The following OLFM3 variants were observed in gnomAD, a reference collection of about 807,000 sequenced individuals.
OLFM3 encodes olfactomedin 3, also known as noelin-3.
OLFM3 carries 20 observed loss-of-function variants against 48.6 expected under a neutral mutation model. That is an observed-to-expected ratio of 0.41 (90% CI 0.29 to 0.60). The LOEUF is 0.60. Ranked by LOEUF, OLFM3 falls within the 20% of genes least tolerant of loss-of-function variation. OLFM3 has a pLI of 0.28. For missense variants in OLFM3, 437 were observed against 544.3 expected (o/e 0.80, Z 1.96); for synonymous variants, 222 against 198.1 (o/e 1.12, Z -1.01).
intron 1 of OLFM3, among the ~76,000 whole-genome samples, chr1:101,989,776 T>C (rs1014489430): frequency 6.6e-6 from 1 of 152,164 alleles, no homozygotes; most frequent in African/African-American, 2.4e-5. Flanking sequence ...AGAAGATCAA[T>C]ATAAGCAGAG....
At chr1:101,955,614 G>A (rs1660265519) in intron 1 of OLFM3, among the ~76,000 whole-genome samples, 1 of 151,622 alleles carries the variant, frequency 6.6e-6, no homozygotes, top group African/African-American at 2.4e-5. Context: ...TCATCTCTCT[G>A]GCATTAGTGT....
rs74107980 is a variant in OLFM3 at position 101,881,778 on chromosome 1, A to G, written c.70-44753T>C. 2.5e-3 allele frequency among the ~76,000 whole-genome samples: 378 copies of G among 151,010 alleles called. 2 individuals carry two copies. The highest frequency in any genetic ancestry group is 8.7e-3 in the African/African-American group (357 of 41,052). ...ACTGTCATCCTCCTGAGTTATTTTG[A>G]AGTGATTTTTTTTTTTTACATTTTG... On this transcript the variant is annotated intron_variant, in intron 1 of 5. Coordinates refer to ENST00000370103, the MANE Select transcript of OLFM3 (RefSeq NM_058170.4).
chr1:101,970,508 T>C (rs1660751904), intron 1 of OLFM3, among the ~76,000 whole-genome samples: 1 of 152,218 alleles, frequency 6.6e-6, no homozygotes, highest in Non-Finnish European at 1.5e-5. Context: ...TCTAATCTTT[T>C]CCCCCTTCTT....
chr1:101,882,062 AG>A (rs967473588), intron 1 of OLFM3, among the ~76,000 whole-genome samples: 1 of 151,052 alleles, frequency 6.6e-6, no homozygotes. Context: ...TTATTAGAAA[AG>A]AAAAAAAAGA....
At chr1:101,822,046 G>T (rs72646202) in intron 4 of OLFM3, among the ~76,000 whole-genome samples, 20,052 of 152,072 alleles carry the variant, frequency 0.13, 1,743 homozygotes, top group East Asian at 0.34. Context: ...ATTATGCAAA[G>T]TTCAATAGGA....
At chr1:101,956,589 T>TCAACATTAACATTAAATATAA (rs1402255138) in intron 1 of OLFM3, among the ~76,000 whole-genome samples, 1 of 151,964 alleles carries the variant, frequency 6.6e-6, no homozygotes, top group East Asian at 1.9e-4. Context: ...GTGAATACCT[T>TCAACATTAACATTAAATATAA]CAACATTAAA....
chr1:101,806,468 A>G (rs1261856618), intron 4 of OLFM3, among the ~76,000 whole-genome samples: 1 of 151,876 alleles, frequency 6.6e-6, no homozygotes, highest in Admixed American at 6.6e-5. Flanking sequence ...CATTATCATT[A>G]TACCAGTTCA....
chr1:101,893,535 C>T, intron 1 of OLFM3: 1 of 282,030 alleles, frequency 3.5e-6, no homozygotes, highest in South Asian at 4.9e-5. Context: ...AGGACTGGAG[C>T]CAGGAGATAT....
At chr1:101,953,782 G>C (rs985424993) in intron 1 of OLFM3, among the ~76,000 whole-genome samples, 2 of 152,086 alleles carry the variant, frequency 1.3e-5, no homozygotes, top group African/African-American at 4.8e-5. Flanking sequence ...AGGATGCTGG[G>C]CCCAGCAGGT....
intron 1 of OLFM3, among the ~76,000 whole-genome samples, chr1:101,932,252 T>G (rs888453291): frequency 2.0e-5 from 3 of 152,236 alleles, no homozygotes; most frequent in Non-Finnish European, 4.4e-5. Context: ...CTTCAGATAT[T>G]CTAATTCAGT....
At chr1:101,848,170 A>G (rs1328540460) in intron 1 of OLFM3, among the ~76,000 whole-genome samples, 1 of 152,172 alleles carries the variant, frequency 6.6e-6, no homozygotes, top group Non-Finnish European at 1.5e-5. Flanking sequence ...CTTATCCAAT[A>G]TATGTGTTTT....
At chr1:101,858,930 G>T (rs1656537259) in intron 1 of OLFM3, among the ~76,000 whole-genome samples, 3 of 151,954 alleles carry the variant, frequency 2.0e-5, no homozygotes. Context: ...ATTCCATTTG[G>T]GTGGGATAGA....
rs150389169 is a variant in OLFM3, at chr1:101,969,548, A to C, written c.69+27200T>G. On this transcript the variant is annotated intron_variant, in intron 1 of 5. Transcript: ENST00000370103. ...AAAGAATGATGGTGTCAAAGTACAT[A>C]GACTTTTTCCTCTATTTAAATAATC... Among the ~76,000 whole-genome samples, 425 of 152,280 alleles carry C rather than the reference A, an allele frequency of 2.8e-3. 4 individuals carry two copies. The highest frequency in any genetic ancestry group is 0.014 in the East Asian group (71 of 5,172).
chr1:101,966,317 T>TTTTTTGTGTGTGTG (rs371512942), intron 1 of OLFM3, among the ~76,000 whole-genome samples: 3 of 128,062 alleles, frequency 2.3e-5, no homozygotes, highest in Admixed American at 7.9e-5. Context: ...CCTGGCTAAT[T>TTTTTTGTGTGTGTG]TGTGTGTGTG....
intron 1 of OLFM3, among the ~76,000 whole-genome samples, chr1:101,909,655 C>A (rs1658681207): frequency 6.6e-6 from 1 of 152,144 alleles, no homozygotes; most frequent in African/African-American, 2.4e-5. Flanking sequence ...TTAATTATAT[C>A]TTTTAAATAT....
At chr1:101,917,136 C>T (rs537360119) in intron 1 of OLFM3, among the ~76,000 whole-genome samples, 2 of 151,902 alleles carry the variant, frequency 1.3e-5, no homozygotes, top group Admixed American at 1.3e-4. Context: ...TTATGTGTGC[C>T]AAGAAGAAGG....
chr1:101,960,887 G>T (rs1660447476), intron 1 of OLFM3, among the ~76,000 whole-genome samples: 1 of 152,164 alleles, frequency 6.6e-6, no homozygotes, highest in African/African-American at 2.4e-5. Context: ...TGACTTCTAA[G>T]ATGGTCCATT....
chr1:101,973,555 G>C (rs934223602), intron 1 of OLFM3, among the ~76,000 whole-genome samples: 1 of 152,094 alleles, frequency 6.6e-6, no homozygotes, highest in African/African-American at 2.4e-5. Context: ...CGGTCAAAGT[G>C]GTACTTAAAA....
chr1:101,862,985 T>C (rs1243705710), intron 1 of OLFM3, among the ~76,000 whole-genome samples: 1 of 145,034 alleles, frequency 6.9e-6, no homozygotes. Context: ...ATAAATCCTA[T>C]GTAATTAGTT....
Sources: allele counts gnomAD v4.1 joint callset (sites outside exome capture counted in the v4.1 genomes callset), GRCh38; gene constraint gnomAD v4.1.1; transcripts MANE v1.5; gene names NCBI Gene and HGNC (gene_info 2026-07-23, HGNC 2026-07-21).